MAPKAPK2: variants seen among roughly 807,000 people sequenced by gnomAD.
MAPKAPK2 encodes the protein MAP kinase-activated protein kinase 2.
Under a neutral mutation model 48.8 loss-of-function variants are expected in MAPKAPK2, and 9 were observed. The ratio of observed to expected loss-of-function variants is 0.18; its 90% confidence interval spans 0.11 to 0.32. MAPKAPK2 has a LOEUF of 0.32. Among genes scored for constraint, MAPKAPK2 ranks in the 10% least tolerant of loss-of-function variants. The probability of loss-of-function intolerance (pLI) is 1.00; values close to 1 mark genes in which losing one functional copy is unlikely to be tolerated. For missense variants in MAPKAPK2, 331 were observed against 498.3 expected (o/e 0.66, Z 3.20); for synonymous variants, 202 against 190.6 (o/e 1.06, Z -0.49).
chr1:206,711,040 T>C (rs1199372576), intron 1 of MAPKAPK2, among the ~76,000 whole-genome samples: 1 of 152,232 alleles, frequency 6.6e-6, no homozygotes, highest in Non-Finnish European at 1.5e-5. Flanking sequence ...ATTTTCCTCA[T>C]TGGTGATTAG....
chr1:206,711,700 C>G (rs1553429506), intron 1 of MAPKAPK2, among the ~76,000 whole-genome samples: 2 of 149,502 alleles, frequency 1.3e-5, no homozygotes, highest in African/African-American at 2.5e-5. Flanking sequence ...TCAGTGAAAC[C>G]CCTGCCTCCC....
At chr1:206,714,569 G>GCC (rs1175236996) in intron 1 of MAPKAPK2, among the ~76,000 whole-genome samples, 8 of 151,468 alleles carry the variant, frequency 5.3e-5, no homozygotes, top group African/African-American at 1.9e-4. Flanking sequence ...TCGAAACTAA[G>GCC]CCTGGCCAGC....
chr1:206,731,373 A>T lies in MAPKAPK2; in HGVS notation c.892+111A>T. The T allele has an allele frequency of 6.5e-7, 1 of 1,546,592 alleles. No homozygotes were observed. Among genetic ancestry groups the T allele is most frequent in the South Asian group, 1.2e-5 (1 of 83,084 alleles). Reference sequence around the variant, plus strand: ...GCCTCCATCTCATGTGCGTGGTGTAACTGTGGGTTAGCACCTATGCCCACG... The same window carrying T: ...GCCTCCATCTCATGTGCGTGGTGTATCTGTGGGTTAGCACCTATGCCCACG... On this transcript the variant is annotated intron_variant, in intron 7 of 9. Transcript: ENST00000367103. The surrounding 1 kb of genome is among the most constrained non-coding windows in gnomAD (Gnocchi z 5.9).
chr1:206,689,983 G>A (rs1436553149), intron 1 of MAPKAPK2, among the ~76,000 whole-genome samples: 1 of 152,206 alleles, frequency 6.6e-6, no homozygotes, highest in Non-Finnish European at 1.5e-5. Flanking sequence ...TCCAGCTGGG[G>A]TCAGTGGGAC....
intron 1 of MAPKAPK2, among the ~76,000 whole-genome samples, chr1:206,688,753 G>C (rs1439489791): frequency 6.6e-6 from 1 of 152,034 alleles, no homozygotes; most frequent in Non-Finnish European, 1.5e-5. Flanking sequence ...TTCTGCCTCA[G>C]CCTCCTGAGT....
Position 206,685,169 on chromosome 1 carries a change from G to C in MAPKAPK2, c.-61G>C. The C allele has an allele frequency of 1.2e-5, 3 of 248,908 alleles. No homozygotes were observed. Among genetic ancestry groups the C allele is most frequent in the Non-Finnish European group, 1.5e-5 (2 of 134,406 alleles). The allele number at this position is 248,908 out of a possible 1,614,324, so 15.4% of individuals were successfully genotyped here. On this transcript the variant is annotated 5_prime_UTR_variant, in exon 1 of 10. Transcript: ENST00000367103. Reference sequence around the variant, plus strand: ...TCGGGGGGCGGCGGGGAGGGGGCCCGGAGCCGGAGGAGGGGGCGGCCGCGG... The same window carrying C: ...TCGGGGGGCGGCGGGGAGGGGGCCCCGAGCCGGAGGAGGGGGCGGCCGCGG...
chr1:206,722,210 A>T (rs1553431301), intron 1 of MAPKAPK2, among the ~76,000 whole-genome samples: 1 of 152,078 alleles, frequency 6.6e-6, no homozygotes, highest in African/African-American at 2.4e-5. Flanking sequence ...AATAGAAAAA[A>T]TTAGCCAGGC....
intron 1 of MAPKAPK2, among the ~76,000 whole-genome samples, chr1:206,692,453 A>T (rs1259432651): frequency 6.6e-6 from 1 of 152,216 alleles, no homozygotes; most frequent in Non-Finnish European, 1.5e-5. Flanking sequence ...CTTCCTGCCC[A>T]TGCAAGGCTA....
At chr1:206,718,337 C>T (rs1553430712) in intron 1 of MAPKAPK2, among the ~76,000 whole-genome samples, 1 of 152,156 alleles carries the variant, frequency 6.6e-6, no homozygotes, top group African/African-American at 2.4e-5. Context: ...CGAGCCCATC[C>T]TGAATAACAT....
Position 206,732,160 on chromosome 1 carries a change from T to A in MAPKAPK2, c.1059+241T>A, listed in dbSNP as rs1300922619. 1 of 1,610,502 alleles carries A rather than the reference T, an allele frequency of 6.2e-7. No individual in the cohort carries two copies. The highest frequency in any genetic ancestry group is 1.3e-5 in the African/African-American group (1 of 74,846). On this transcript the variant is annotated intron_variant, in intron 9 of 9. Coordinates refer to ENST00000367103, the MANE Select transcript of MAPKAPK2 (RefSeq NM_032960.4). This position sits in a 1 kb window ranked among gnomAD's most constrained non-coding sequence, Gnocchi z 4.4. ...AGAATCCTTTTATTCCCTGGGTCTC[T>A]AATGGGACCTTAAAGACCATCTGGT...
intron 1 of MAPKAPK2, among the ~76,000 whole-genome samples, chr1:206,724,126 T>A (rs1271404711): frequency 6.6e-6 from 1 of 152,230 alleles, no homozygotes; most frequent in Non-Finnish European, 1.5e-5. Context: ...TAGTCTCCAG[T>A]CCTCAGAGCA....
intron 1 of MAPKAPK2, among the ~76,000 whole-genome samples, chr1:206,696,691 G>A (rs781848223): frequency 3.9e-5 from 6 of 152,158 alleles, no homozygotes; most frequent in Non-Finnish European, 8.8e-5. Context: ...GTGACAGAGC[G>A]AGACCCCGTC....
In MAPKAPK2 at chr1:206,733,221, A is replaced by T. The variant is rs1553433068; in HGVS notation, c.*503A>T. On this transcript the variant is annotated 3_prime_UTR_variant, in exon 10 of 10. Coordinates refer to ENST00000367103, the MANE Select transcript of MAPKAPK2 (RefSeq NM_032960.4). ...GCCACCTTGGAGGAGGATGCCACGC[A>T]CTTCCTCTCTCGGAGCCCTCAGACA... 6.2e-6 allele frequency: 1 copy of T among 160,258 alleles called. No individual in the cohort carries two copies. The highest frequency in any genetic ancestry group is 2.4e-5 in the African/African-American group (1 of 41,484). 9.9% of individuals were successfully genotyped at this position (160,258 alleles called of 1,614,324 possible). A position where few individuals can be genotyped will look rare whatever the true frequency, so the allele number is the denominator to read the frequency against.
rs1289038281 is a variant in MAPKAPK2, at chr1:206,732,292, C to T, written c.1060-283C>T. On this transcript the variant is annotated intron_variant, in intron 9 of 9. Coordinates refer to ENST00000367103, the MANE Select transcript of MAPKAPK2 (RefSeq NM_032960.4). The surrounding 1 kb of genome is among the most constrained non-coding windows in gnomAD (Gnocchi z 4.4). ...GTTGGGGCAGACCGGACCCAGGTTT[C>T]CTGACTCCTGGCCCAAGTCTCTTCC... 2.1e-6 allele frequency: 3 copies of T among 1,448,138 alleles called. No individual in the cohort carries two copies. In the Admixed American group the frequency reaches 8.1e-5, roughly 39 times the overall value. The allele number at this position is 1,448,138 out of a possible 1,614,324, so 89.7% of individuals were successfully genotyped here.
intron 1 of MAPKAPK2, among the ~76,000 whole-genome samples, chr1:206,688,764 A>G (rs1330466943): frequency 2.0e-5 from 3 of 152,034 alleles, no homozygotes; most frequent in African/African-American, 7.2e-5. Flanking sequence ...CCTCCTGAGT[A>G]GCTGGGACTA....
intron 4 of MAPKAPK2, 82 bp downstream of exon 4, chr1:206,729,557 G>A: frequency 8.5e-7 from 1 of 1,178,154 alleles, no homozygotes; most frequent in Non-Finnish European, 1.3e-6. Context: ...TGGTTGCCAG[G>A]CCACCCTGCG....
intron 1 of MAPKAPK2, among the ~76,000 whole-genome samples, chr1:206,709,577 T>G (rs995555347): frequency 1.3e-5 from 2 of 152,194 alleles, no homozygotes; most frequent in African/African-American, 4.8e-5. Flanking sequence ...TAAGGTCATA[T>G]TAAGATATCC....
At chr1:206,728,877 C>T in intron 2 of MAPKAPK2, 28 bp downstream of exon 2, 1 of 1,612,560 alleles carries the variant, frequency 6.2e-7, no homozygotes. Flanking sequence ...TAGTCCCGGC[C>T]CAGCCTGTTC....
At chr1:206,710,478 G>A (rs144146735) in intron 1 of MAPKAPK2, among the ~76,000 whole-genome samples, 501 of 152,272 alleles carry the variant, frequency 3.3e-3, no homozygotes, top group African/African-American at 0.011. Context: ...AATGAAATGT[G>A]GTAATGCTGG....
Sources: gnomAD v4.1 joint callset for allele counts (sites outside exome capture counted in the v4.1 genomes callset) on GRCh38, gnomAD v4.1.1 for gene constraint, Gnocchi (gnomAD v3.1) non-coding constraint, MANE v1.5 for transcripts, NCBI Gene and HGNC (gene_info 2026-07-23, HGNC 2026-07-21) for gene names.